CRLF2: variants seen among roughly 807,000 people sequenced by gnomAD.
CRLF2 encodes the protein cytokine receptor like factor 2.
In CRLF2, 41 loss-of-function variants were observed where a neutral mutation model predicts 38.7. The ratio of observed to expected loss-of-function variants is 1.06; its 90% confidence interval spans 0.83 to 1.37. CRLF2 has a LOEUF of 1.37. Among genes scored for constraint, CRLF2 ranks in the 40% most tolerant of loss-of-function variants. CRLF2 has a pLI of 0.00. For missense variants in CRLF2, 377 were observed against 322.2 expected (o/e 1.17, Z -1.30); for synonymous variants, 140 against 128.8 (o/e 1.09, Z -0.59).
chrX:1,211,165 GTGAATGGATGGA>G (rs1285454534), intron 1 of CRLF2, among the ~76,000 whole-genome samples: 2 of 122,398 alleles, frequency 1.6e-5, no homozygotes, highest in Admixed American at 8.5e-5. Flanking sequence ...AGATACATAG[GTGAATGGATGGA>G]TGGATGGATG....
At chrX:1,205,429 G>C (rs1214360349) in intron 3 of CRLF2, among the ~76,000 whole-genome samples, 5 of 146,360 alleles carry the variant, frequency 3.4e-5, no homozygotes, top group Admixed American at 1.4e-4. Flanking sequence ...CTTGCTTTTC[G>C]GTACTTATGA....
chrX:1,201,257 CA>C (rs1426194248), intron 4 of CRLF2, among the ~76,000 whole-genome samples: 1 of 148,396 alleles, frequency 6.7e-6, no homozygotes, highest in Non-Finnish European at 1.5e-5. Context: ...CGTTAGGCAG[CA>C]CATGACTGTG....
chrX:1,202,294 G>A lies in CRLF2; in HGVS notation c.483+108C>T, dbSNP rs190850380. Reference sequence around the variant, plus strand: ...GAAGATACAGCAGAGTGGAATTCAGGAAGGTGTAGACAGAGGGGAGCGAGG... The same window carrying A: ...GAAGATACAGCAGAGTGGAATTCAGAAAGGTGTAGACAGAGGGGAGCGAGG... On this transcript the variant is annotated intron_variant, in intron 4 of 7. Coordinates refer to ENST00000400841, the MANE Select transcript of CRLF2 (RefSeq NM_022148.4). The A allele has an allele frequency of 6.4e-4, 825 of 1,293,396 alleles. 2 individuals are homozygous for A. The African/African-American group carries it at 0.01, about 16-fold the overall frequency. The allele number at this position is 1,293,396 out of a possible 1,614,324, so 80.1% of individuals were successfully genotyped here.
At chrX:1,203,198 G>C (rs1244340375) in intron 3 of CRLF2, among the ~76,000 whole-genome samples, 1 of 151,766 alleles carries the variant, frequency 6.6e-6, no homozygotes, top group Non-Finnish European at 1.5e-5. Flanking sequence ...GAGAAGGAAG[G>C]GTTCTAAATC....
Position 1,193,302 on chromosome X carries a change from T to C in CRLF2, c.768A>G (p.Arg256=), listed in dbSNP as rs2086425675. 5.0e-6 allele frequency: 2 copies of C among 398,358 alleles called. No homozygotes were observed. The highest frequency in any genetic ancestry group is 4.4e-6 in the Non-Finnish European group (1 of 226,220). 24.7% of individuals were successfully genotyped at this position (398,358 alleles called of 1,614,324 possible). The change falls in exon 7 of 8, where the codon AGA becomes AGG. Residue 256 remains arginine (R), a splice_region_variant and synonymous_variant. Transcript: ENST00000400841. ...LLLLSLWKLW[R]VKKFLIPSVP... ...CGCTGGGAATGAGAAACTTCTTCAC[T>C]CTGAAATAGAGACGGAGAGCGTGGT...
intron 6 of CRLF2, among the ~76,000 whole-genome samples, chrX:1,193,738 C>A (rs1406184404): frequency 5.6e-5 from 8 of 143,758 alleles, no homozygotes; most frequent in African/African-American, 1.8e-4. Flanking sequence ...TCCGAGATTG[C>A]GCCACTGCAC....
intron 6 of CRLF2, among the ~76,000 whole-genome samples, chrX:1,193,858 G>C (rs1204965895): frequency 6.6e-6 from 1 of 151,078 alleles, no homozygotes; most frequent in East Asian, 2.0e-4. Context: ...CTATTCGGGA[G>C]GCTGAGGCAG....
chrX:1,195,476 C>T (rs1209897328), intron 6 of CRLF2, among the ~76,000 whole-genome samples: 1 of 151,970 alleles, frequency 6.6e-6, no homozygotes, highest in Non-Finnish European at 1.5e-5. Context: ...GGTGCAATCA[C>T]AGCTCACTGC....
chrX:1,206,409 G>GT, intron 3 of CRLF2, 24 bp downstream of exon 3: 1 of 1,606,980 alleles, frequency 6.2e-7, no homozygotes, highest in East Asian at 2.2e-5. Flanking sequence ...GAAAAGCATG[G>GT]TGAGCTGGCT....
chrX:1,200,326 T>C (rs2086579952), intron 4 of CRLF2, among the ~76,000 whole-genome samples: 1 of 109,946 alleles, frequency 9.1e-6, no homozygotes, highest in African/African-American at 3.0e-5. Flanking sequence ...TGTGTGTATA[T>C]ATATGTGTGT....
chrX:1,207,035 T>C (rs1385153799), intron 2 of CRLF2, among the ~76,000 whole-genome samples: 2 of 146,216 alleles, frequency 1.4e-5, no homozygotes, highest in Non-Finnish European at 3.0e-5. Flanking sequence ...AATCTCTGCC[T>C]CCCGGGTTCA....
At position 1,206,427 on chromosome X, in the gene CRLF2, A is replaced by G. The variant is rs2086692028; in HGVS notation, c.349+6T>C. On this transcript the variant is annotated splice_donor_region_variant and intron_variant, in intron 3 of 7. Transcript: ENST00000400841. ...AAGCATGGTGAGCTGGCTTTACAAT[A>G]CTTACGGTAATAAACCATCCAGCGA... is the stretch of plus-strand genomic sequence containing the variant. The G allele has an allele frequency of 6.2e-7, 1 of 1,612,732 alleles. No homozygotes were observed. Among genetic ancestry groups the G allele is most frequent in the African/African-American group, 1.3e-5 (1 of 74,892 alleles).
At chrX:1,206,089 C>A (rs1444870026) in intron 3 of CRLF2, among the ~76,000 whole-genome samples, 2 of 151,852 alleles carry the variant, frequency 1.3e-5, no homozygotes, top group African/African-American at 4.8e-5. Flanking sequence ...TAGTGAAAAG[C>A]GTGCTGAGCT....
intron 1 of CRLF2, among the ~76,000 whole-genome samples, chrX:1,209,578 G>A (rs754368692): frequency 4.8e-4 from 73 of 151,840 alleles, no homozygotes; most frequent in Non-Finnish European, 7.9e-4. Context: ...TGATCCGCCC[G>A]CCTCATCCAC....
At chrX:1,198,956 C>A in intron 4 of CRLF2, 1 of 572,138 alleles carries the variant, frequency 1.7e-6, no homozygotes. Flanking sequence ...CGAGACCAGC[C>A]TGGCCAACAT....
Position 1,196,795 on chromosome X carries a change from A to G in CRLF2, c.752T>C (p.Leu251Ser). ...TCATCCTTACCTCCATAATTTCCAT[A>G]AAGACAGAAGGAGGAGAGACACCAT... ...LLMVSLLLLS[L>S]WKLWRVKKFL... is the part of the protein sequence containing the mutation. The change falls in exon 6 of 8, where the codon TTA (leucine) becomes TCA (serine). Residue 251 changes from leucine to serine, a missense_variant. By Grantham distance (145) the Leu-to-Ser change is moderately radical. Transcript: ENST00000400841. 3 of 1,613,258 alleles carry G rather than the reference A, an allele frequency of 1.9e-6. No individual in the cohort carries two copies. The highest frequency in any genetic ancestry group is 2.2e-5 in the South Asian group (2 of 91,012).
chrX:1,197,093 CT>C (rs371615837), intron 5 of CRLF2, among the ~76,000 whole-genome samples, 193 bp from the exon 6 acceptor site: 92 of 118,626 alleles, frequency 7.8e-4, no homozygotes, highest in Non-Finnish European at 8.7e-4. Flanking sequence ...AAATCTTTTA[CT>C]TTTTTTTTTT....
chrX:1,192,873 G>T (rs2086418296), intron 7 of CRLF2, among the ~76,000 whole-genome samples: 2 of 147,928 alleles, frequency 1.4e-5, no homozygotes, highest in Non-Finnish European at 3.0e-5. Context: ...GAGTGCAGTG[G>T]TACAATCTCA....
chrX:1,202,273 A>G, intron 4 of CRLF2, 129 bp downstream of exon 4: 1 of 1,092,886 alleles, frequency 9.2e-7, no homozygotes, highest in Admixed American at 2.4e-5. Flanking sequence ...TCTCAGGAAG[A>G]TACAGCAGAG....
Sources: gnomAD v4.1 joint callset for allele counts (sites outside exome capture counted in the v4.1 genomes callset) on GRCh38, gnomAD v4.1.1 for gene constraint, MANE v1.5 for transcripts, NCBI Gene and HGNC (gene_info 2026-07-23, HGNC 2026-07-21) for gene names.